IMPG1: variants seen among roughly 807,000 people sequenced by gnomAD.
The protein encoded by IMPG1 is interphotoreceptor matrix proteoglycan of 150 kDa.
A neutral mutation model predicts 92.0 loss-of-function variants in IMPG1; 85 were observed. That is an observed-to-expected ratio of 0.92 (90% CI 0.78 to 1.11). The LOEUF is 1.11. Among genes scored for constraint, IMPG1 ranks in the 50% least tolerant of loss-of-function variants. The pLI is 0.00. For synonymous variants in IMPG1, 367 were observed against 334.1 expected, an observed-to-expected ratio of 1.10 and a Z score of -1.08; for missense variants, 1,022 against 956.0, an observed-to-expected ratio of 1.07 and a Z score of -0.91.
chr6:75,950,615 A>C lies in IMPG1; in HGVS notation c.1771T>G (p.Phe591Val), dbSNP rs1225592420. The change falls in exon 13 of 17, where the codon TTC becomes GTC. Residue 591 changes from phenylalanine (F) to valine (V), a missense_variant. This residue lies in a region of IMPG1 where 332 missense variants were observed against 346.2 expected (regional missense o/e 0.96). Coordinates refer to ENST00000369950, the MANE Select transcript of IMPG1 (RefSeq NM_001563.4). The part of the protein sequence containing the change: ...VANMAFSNDL[F>V]NKSSLEYRAL... Reference sequence around the variant, plus strand: ...CGGTACTCCAGAGAGCTCTTGTTGAACAGGTCGTTGGAGAAGGCCATGTTA... The same window carrying C: ...CGGTACTCCAGAGAGCTCTTGTTGACCAGGTCGTTGGAGAAGGCCATGTTA... 6.2e-7 allele frequency: 1 copy of C among 1,613,772 alleles called. No individual in the cohort carries two copies. The highest frequency in any genetic ancestry group is 8.5e-7 in the Non-Finnish European group (1 of 1,179,806).
intron 12 of IMPG1, among the ~76,000 whole-genome samples, chr6:75,967,233 A>G (rs896968814): frequency 6.6e-6 from 1 of 152,134 alleles, no homozygotes; most frequent in Non-Finnish European, 1.5e-5. Flanking sequence ...TTCAAAATGG[A>G]ATTATCCATG....
chr6:75,989,123 C>A (rs1214762916), intron 12 of IMPG1, among the ~76,000 whole-genome samples: 2 of 152,162 alleles, frequency 1.3e-5, no homozygotes, highest in African/African-American at 4.8e-5. Flanking sequence ...AGGTCTCACA[C>A]TGTTGCCCAG....
chr6:76,052,364 G>A (rs1784057893), intron 1 of IMPG1, among the ~76,000 whole-genome samples: 1 of 152,284 alleles, frequency 6.6e-6, no homozygotes, highest in African/African-American at 2.4e-5. Flanking sequence ...TCTGTGTCCT[G>A]GGAAAGGAGA....
rs56113426 is a variant in IMPG1 at position 75,969,731 on chromosome 6, A to AAAACAAAC, written c.1292-18645_1292-18638dup. Among the ~76,000 whole-genome samples the AAAACAAAC allele has an allele frequency of 2.5e-3, 382 of 151,770 alleles. 5 individuals are homozygous for AAAACAAAC. Among genetic ancestry groups the AAAACAAAC allele is most frequent in the South Asian group, 8.8e-3 (42 of 4,774 alleles). ...CTGGGTGACAGAGACTCCATCTCAA[A>AAAACAAAC]AAACAAACAAACAAACAAACAAACA... On this transcript the variant is annotated intron_variant, in intron 12 of 16. Transcript: ENST00000369950.
chr6:75,929,876 A>C (rs1781635100), intron 15 of IMPG1, among the ~76,000 whole-genome samples: 1 of 152,116 alleles, frequency 6.6e-6, no homozygotes, highest in African/African-American at 2.4e-5. Context: ...TCTGGTTGTC[A>C]CACACAGGAC....
At chr6:76,018,609 A>T (rs112072083) in intron 7 of IMPG1, 109 bp downstream of exon 7, 19,268 of 998,998 alleles carry the variant, frequency 0.019, 255 homozygotes, top group Middle Eastern at 0.027. Flanking sequence ...ATGGTTAAAC[A>T]TGAATGCCAG....
intron 1 of IMPG1, among the ~76,000 whole-genome samples, chr6:76,053,269 C>T (rs1021947596): frequency 8.5e-5 from 13 of 152,176 alleles, no homozygotes; most frequent in African/African-American, 3.1e-4. Context: ...GTGAGCAACA[C>T]TATGCTTTCC....
intron 12 of IMPG1, among the ~76,000 whole-genome samples, chr6:75,966,426 G>A (rs1468562197): frequency 1.3e-5 from 2 of 152,090 alleles, no homozygotes; most frequent in Non-Finnish European, 2.9e-5. Flanking sequence ...TCATGCAATT[G>A]GGTTGTTATA....
intron 7 of IMPG1, among the ~76,000 whole-genome samples, chr6:76,017,195 CAAA>C (rs61629486): frequency 6.8e-5 from 8 of 117,856 alleles, no homozygotes; most frequent in Non-Finnish European, 9.3e-5. Context: ...TGGTGAGGCT[CAAA>C]AAAAAAAAAA....
At chr6:75,976,704 G>A (rs533330647) in intron 12 of IMPG1, among the ~76,000 whole-genome samples, 3 of 152,216 alleles carry the variant, frequency 2.0e-5, no homozygotes, top group Admixed American at 1.3e-4. Context: ...AAGGTCAGGA[G>A]ATCAAGACCA....
chr6:75,986,020 C>T (rs1782711799), intron 12 of IMPG1, among the ~76,000 whole-genome samples: 1 of 152,156 alleles, frequency 6.6e-6, no homozygotes, highest in African/African-American at 2.4e-5. Context: ...AATGACTGCT[C>T]CTGTCACAAA....
intron 14 of IMPG1, among the ~76,000 whole-genome samples, chr6:75,937,629 CAAT>C (rs1781768965): frequency 6.6e-6 from 1 of 152,064 alleles, no homozygotes; most frequent in Non-Finnish European, 1.5e-5. Context: ...AAATTTGTGT[CAAT>C]AGTAACTATT....
chr6:76,042,343 C>T (rs1326604785), intron 1 of IMPG1, among the ~76,000 whole-genome samples: 1 of 152,040 alleles, frequency 6.6e-6, no homozygotes, highest in Non-Finnish European at 1.5e-5. Flanking sequence ...TTTTAAAAAG[C>T]CAATGTCTCA....
At chr6:75,969,024 A>G (rs1782357711) in intron 12 of IMPG1, among the ~76,000 whole-genome samples, 1 of 152,218 alleles carries the variant, frequency 6.6e-6, no homozygotes, top group African/African-American at 2.4e-5. Flanking sequence ...GACAACATGA[A>G]TGAACCTGTT....
At chr6:76,064,862 C>T (rs1335854867) in intron 1 of IMPG1, among the ~76,000 whole-genome samples, 1 of 152,160 alleles carries the variant, frequency 6.6e-6, no homozygotes, top group East Asian at 1.9e-4. Context: ...TCTGCTGGCA[C>T]AAGTGCACAG....
At chr6:75,928,119 A>G (rs1211675458) in intron 15 of IMPG1, among the ~76,000 whole-genome samples, 1 of 152,178 alleles carries the variant, frequency 6.6e-6, no homozygotes, top group Non-Finnish European at 1.5e-5. Flanking sequence ...TGTTCACAAA[A>G]GCCGCATGCA....
At position 76,072,623 on chromosome 6, in the gene IMPG1, T is replaced by C. The variant is rs1784419934; in HGVS notation, c.-135A>G. ...GAGGATAACCTTCTTGGTTTACCTT[T>C]ATGAGGGTGTTAATTTATGAAGAAC... On this transcript the variant is annotated 5_prime_UTR_variant, in exon 1 of 17. In the 5' UTR this introduces an upstream ATG that the reference lacks. Coordinates refer to ENST00000369950, the MANE Select transcript of IMPG1 (RefSeq NM_001563.4). The C allele has an allele frequency of 1.8e-6, 1 of 557,818 alleles. No homozygotes were observed. Among genetic ancestry groups the C allele is most frequent in the East Asian group, 3.1e-5 (1 of 31,788 alleles). 34.6% of individuals were successfully genotyped at this position (557,818 alleles called of 1,614,324 possible). A position where few individuals can be genotyped will look rare whatever the true frequency, so the allele number is the denominator to read the frequency against.
At chr6:75,962,523 CAGG>C (rs1367584695) in intron 12 of IMPG1, among the ~76,000 whole-genome samples, 1 of 152,030 alleles carries the variant, frequency 6.6e-6, no homozygotes, top group Non-Finnish European at 1.5e-5. Context: ...TTCCACAGAA[CAGG>C]AGAATAAACC....
At chr6:76,004,660 T>C (rs941842730) in intron 10 of IMPG1, among the ~76,000 whole-genome samples, 1 of 152,132 alleles carries the variant, frequency 6.6e-6, no homozygotes, top group Admixed American at 6.5e-5. Context: ...GATGATCTTG[T>C]TGACTTCTCT....
Sources: gnomAD v4.1 joint callset for allele counts (sites outside exome capture counted in the v4.1 genomes callset) on GRCh38, gnomAD v4.1.1 for gene constraint, gnomAD v4.1.1 regional missense constraint, MANE v1.5 for transcripts, NCBI Gene and HGNC (gene_info 2026-07-23, HGNC 2026-07-21) for gene names.